The following MAGI1 variants were observed in gnomAD, a reference collection of about 807,000 sequenced individuals.
MAGI1 encodes the protein membrane-associated guanylate kinase, WW and PDZ domain-containing protein 1.
A neutral mutation model predicts 139.9 loss-of-function variants in MAGI1; 58 were observed. That is an observed-to-expected ratio of 0.41 (90% confidence interval 0.34 to 0.52). The LOEUF (loss-of-function observed/expected upper bound fraction) is 0.52, where lower values mean the gene tolerates loss of function less well. Among genes scored for constraint, MAGI1 ranks in the 20% least tolerant of loss-of-function variants. MAGI1 has a pLI of 0.12. For synonymous variants in MAGI1, 812 were observed against 737.9 expected (o/e 1.10, Z -1.63); for missense variants, 1,874 against 1,901.6 (o/e 0.99, Z 0.27).
intron 1 of MAGI1, among the ~76,000 whole-genome samples, chr3:65,922,737 A>G (rs1415985807): frequency 1.3e-5 from 2 of 152,218 alleles, no homozygotes; most frequent in Non-Finnish European, 2.9e-5. Context: ...GGAGCATTGC[A>G]ATGCCAGCAC....
intron 1 of MAGI1, among the ~76,000 whole-genome samples, chr3:65,691,015 A>G (rs6787544): frequency 0.3 from 44,994 of 151,804 alleles, 6,719 homozygotes; most frequent in East Asian, 0.43. Flanking sequence ...AAGAAAAAAG[A>G]GGTTCAGCCT....
At chr3:66,019,929 C>G (rs999165609) in intron 1 of MAGI1, among the ~76,000 whole-genome samples, 9 of 62,804 alleles carry the variant, frequency 1.4e-4, no homozygotes, top group African/African-American at 3.5e-4. Flanking sequence ...CTTAGGGAAC[C>G]ATGTTTTGCT....
At chr3:65,561,963 C>G (rs1412340286) in intron 2 of MAGI1, among the ~76,000 whole-genome samples, 1 of 152,172 alleles carries the variant, frequency 6.6e-6, no homozygotes, top group Non-Finnish European at 1.5e-5. Context: ...AGATATTTTT[C>G]AAGAGAGACC....
chr3:65,878,221 A>G (rs1247254701), intron 1 of MAGI1, among the ~76,000 whole-genome samples: 3 of 152,208 alleles, frequency 2.0e-5, no homozygotes, highest in Admixed American at 2.0e-4. Context: ...AGTTGGATAT[A>G]AGAATGCAGA....
intron 1 of MAGI1, among the ~76,000 whole-genome samples, chr3:65,736,880 T>C (rs1463556266): frequency 6.6e-6 from 1 of 152,222 alleles, no homozygotes; most frequent in African/African-American, 2.4e-5. Flanking sequence ...CCAGTCAAGA[T>C]GACACACAAA....
At chr3:65,714,870 T>C (rs1269886671) in intron 1 of MAGI1, among the ~76,000 whole-genome samples, 3 of 152,144 alleles carry the variant, frequency 2.0e-5, no homozygotes, top group Non-Finnish European at 4.4e-5. Context: ...GCCTGGCAGT[T>C]TCTTCTGTTC....
chr3:65,499,827 C>T (rs1429373362), intron 2 of MAGI1, among the ~76,000 whole-genome samples: 1 of 152,100 alleles, frequency 6.6e-6, no homozygotes, highest in Admixed American at 6.6e-5. Flanking sequence ...ATACCCTTAA[C>T]AGTGGTAACC....
intron 2 of MAGI1, among the ~76,000 whole-genome samples, chr3:65,607,913 A>C (rs900258066): frequency 1.9e-4 from 29 of 152,244 alleles, no homozygotes; most frequent in African/African-American, 6.5e-4. Context: ...ATGTCAGAAT[A>C]ACTTAATGAA....
chr3:65,462,621 G>T (rs1949884868), intron 5 of MAGI1, among the ~76,000 whole-genome samples: 1 of 152,150 alleles, frequency 6.6e-6, no homozygotes, highest in African/African-American at 2.4e-5. Context: ...GGTTCTATAT[G>T]AAATTTAAAG....
intron 2 of MAGI1, among the ~76,000 whole-genome samples, chr3:65,555,830 C>T (rs2080059123): frequency 6.6e-6 from 1 of 152,158 alleles, no homozygotes; most frequent in Admixed American, 6.5e-5. Context: ...GCACACCAGC[C>T]TGAGAGAGCA....
At chr3:65,556,785 C>T (rs1349405686) in intron 2 of MAGI1, among the ~76,000 whole-genome samples, 2 of 152,106 alleles carry the variant, frequency 1.3e-5, no homozygotes, top group Non-Finnish European at 2.9e-5. Flanking sequence ...TATGTCATTC[C>T]AACAGCTTGA....
chr3:65,885,483 T>A (rs946927698), intron 1 of MAGI1, among the ~76,000 whole-genome samples: 2 of 152,132 alleles, frequency 1.3e-5, no homozygotes, highest in Non-Finnish European at 2.9e-5. Flanking sequence ...ACTCAGAGTG[T>A]GTGATATGGT....
intron 1 of MAGI1, among the ~76,000 whole-genome samples, chr3:65,839,045 T>C (rs1246769653): frequency 6.6e-6 from 1 of 152,254 alleles, no homozygotes; most frequent in Non-Finnish European, 1.5e-5. Flanking sequence ...ATTGAATTGC[T>C]TGGTTTTTAA....
intron 1 of MAGI1, among the ~76,000 whole-genome samples, chr3:65,865,317 C>A (rs1049359015): frequency 1.3e-5 from 2 of 152,140 alleles, no homozygotes; most frequent in Non-Finnish European, 2.9e-5. Flanking sequence ...AAAAAAAGCA[C>A]TGACCACGTG....
intron 2 of MAGI1, among the ~76,000 whole-genome samples, chr3:65,512,711 G>A (rs2077660816): frequency 6.7e-6 from 1 of 148,324 alleles, no homozygotes; most frequent in Admixed American, 6.7e-5. Context: ...ATTCACAGCT[G>A]AATTCTACCA....
chr3:65,920,553 T>C (rs1037067315), intron 1 of MAGI1, among the ~76,000 whole-genome samples: 1 of 152,188 alleles, frequency 6.6e-6, no homozygotes, highest in Non-Finnish European at 1.5e-5. Flanking sequence ...CACTCTCTTC[T>C]GGGACTTAAG....
At chr3:65,546,728 T>C (rs2079524582) in intron 2 of MAGI1, among the ~76,000 whole-genome samples, 1 of 152,206 alleles carries the variant, frequency 6.6e-6, no homozygotes, top group Non-Finnish European at 1.5e-5. Context: ...AATCCATTTT[T>C]TTTCCTTGCA....
At position 65,430,858 on chromosome 3, in the gene MAGI1, G is replaced by T. The variant is rs763905797; in HGVS notation, c.1387C>A (p.Pro463Thr). 6 of 1,613,224 alleles carry T rather than the reference G, an allele frequency of 3.7e-6. No individual in the cohort carries two copies. The highest frequency in any genetic ancestry group is 1.7e-5 in the Admixed American group (1 of 59,886). ...LQGKPFFTRNPSELKGKFIHT... is the reference protein window; with the variant it reads ...LQGKPFFTRNTSELKGKFIHT... ...ATGAACTTGCCTTTCAACTCAGAAG[G>T]GTTTCGTGTAAAAAAGGGTTTGCCT... is the stretch of plus-strand genomic sequence containing the variant. The change falls in exon 11 of 23, where the codon CCT (proline) becomes ACT (threonine). Residue 463 changes from proline to threonine, a missense_variant. By Grantham distance (38) the Pro-to-Thr change is conservative. Transcript: ENST00000402939.
rs1289794051 is a variant in MAGI1, at chr3:65,724,762, CCTT to C, written c.314-102677_314-102675del. 2.0e-5 allele frequency among the ~76,000 whole-genome samples: 3 copies of C among 152,222 alleles called. 1 individual carries two copies. Among genetic ancestry groups the C allele is most frequent in the African/African-American group, 4.8e-5 (2 of 41,532 alleles). ...ATGGCGGAAGGGGAAGCAAACATGT[CCTT>C]CTTCACATGGTGGCAGAAGAGAGAA... is the stretch of plus-strand genomic sequence containing the variant. On this transcript the variant is annotated intron_variant, in intron 1 of 22. Transcript: ENST00000402939.
Sources: allele counts gnomAD v4.1 joint callset (sites outside exome capture counted in the v4.1 genomes callset), GRCh38; gene constraint gnomAD v4.1.1; transcripts MANE v1.5; gene names NCBI Gene and HGNC (gene_info 2026-07-23, HGNC 2026-07-21).